Variants in TRA2A observed in about 807,000 individuals in gnomAD.
TRA2A encodes the protein transformer 2 alpha homolog, also known as transformer-2 protein homolog alpha.
TRA2A carries 31 observed loss-of-function variants against 45.7 expected under a neutral mutation model. That is an observed-to-expected ratio of 0.68 (90% CI 0.51 to 0.92). The LOEUF is 0.92. TRA2A is among the 40% of genes least tolerant of loss of function. TRA2A has a pLI of 0.00. For synonymous variants in TRA2A, 132 were observed against 126.2 expected, an observed-to-expected ratio of 1.05 and a Z score of -0.31; for missense variants, 304 against 367.5, an observed-to-expected ratio of 0.83 and a Z score of 1.41.
In TRA2A at chr7:23,505,825, G is replaced by T. The variant is rs756648597; in HGVS notation, c.771-12C>A. 2 of 1,491,400 alleles carry T rather than the reference G, an allele frequency of 1.3e-6. No homozygotes were observed. The highest frequency in any genetic ancestry group is 2.4e-5 in the Admixed American group (1 of 42,414). 92.4% of individuals were successfully genotyped at this position (1,491,400 alleles called of 1,614,324 possible). A position where few individuals can be genotyped will look rare whatever the true frequency, so the allele number is the denominator to read the frequency against. ...AAGGTGATCGTCTTCTGTAAGAAAT[G>T]AAAGATTACTTAGCATACTATATAA... On this transcript the variant is annotated splice_polypyrimidine_tract_variant and intron_variant, in intron 6 of 7. Transcript: ENST00000297071.
intron 2 of TRA2A, among the ~76,000 whole-genome samples, chr7:23,517,968 GTTCT>G (rs1789962415): frequency 2.0e-5 from 3 of 149,060 alleles, no homozygotes; most frequent in Admixed American, 2.0e-4. Flanking sequence ...TCTCCATATA[GTTCT>G]TTGTCGCCCA....
rs5882904 is a variant in TRA2A at position 23,505,585 on chromosome 7, C to CAAAAAAAAAA, written c.839-26_839-17dup. ...CAATAGCGTCCTAAAAGAGAAAAAG[C>CAAAAAAAAAA]AAAAAAAAAAAAAAAAAAAAAAAGT... is the stretch of plus-strand genomic sequence containing the variant. On this transcript the variant is annotated splice_polypyrimidine_tract_variant and intron_variant, in intron 7 of 7. Coordinates refer to ENST00000297071, the MANE Select transcript of TRA2A (RefSeq NM_013293.5). 20 of 244,956 alleles carry CAAAAAAAAAA rather than the reference C, an allele frequency of 8.2e-5. No individual in the cohort carries two copies. The highest frequency in any genetic ancestry group is 4.1e-4 in the South Asian group (4 of 9,810). 15.2% of individuals were successfully genotyped at this position (244,956 alleles called of 1,614,324 possible).
chr7:23,525,433 C>T (rs1472454872), intron 1 of TRA2A, among the ~76,000 whole-genome samples: 1 of 152,136 alleles, frequency 6.6e-6, no homozygotes, highest in Non-Finnish European at 1.5e-5. Flanking sequence ...CATCCAATAA[C>T]CATTAAAAAT....
chr7:23,517,457 G>A (rs1317761829), intron 2 of TRA2A, among the ~76,000 whole-genome samples: 10 of 83,898 alleles, frequency 1.2e-4, no homozygotes, highest in Middle Eastern at 0.015. Context: ...CAGCCTGGGC[G>A]ACAGAGCAAG....
intron 2 of TRA2A, among the ~76,000 whole-genome samples, chr7:23,517,170 A>G (rs898991767): frequency 2.6e-5 from 4 of 151,028 alleles, no homozygotes; most frequent in African/African-American, 9.7e-5. Flanking sequence ...TCCCAGCTAC[A>G]TGGAAAGATG....
intron 3 of TRA2A, 51 bp downstream of exon 3, chr7:23,516,312 A>G: frequency 1.9e-6 from 3 of 1,596,960 alleles, no homozygotes; most frequent in Non-Finnish European, 2.6e-6. Flanking sequence ...TGCCATGACT[A>G]AACACATAAA....
chr7:23,531,526 G>A, intron 1 of TRA2A: 1 of 569,018 alleles, frequency 1.8e-6, no homozygotes, highest in Non-Finnish European at 3.1e-6. Context: ...GAGAAGGGAG[G>A]AAGCAATGCG....
intron 2 of TRA2A, among the ~76,000 whole-genome samples, chr7:23,517,497 A>G (rs1202118603): frequency 1.4e-5 from 2 of 146,204 alleles, no homozygotes; most frequent in African/African-American, 5.1e-5. Context: ...AAAAAAAAAA[A>G]AAAAAAAGAG....
intron 2 of TRA2A, among the ~76,000 whole-genome samples, chr7:23,517,192 A>C (rs1442622253): frequency 7.2e-6 from 1 of 138,050 alleles, no homozygotes; most frequent in African/African-American, 2.7e-5. Flanking sequence ...AGCAAGAAAA[A>C]TCACTTGGGG....
rs530829491 is a variant in TRA2A, at chr7:23,531,508, G to T, written c.36+281C>A. 229 of 552,800 alleles carry T rather than the reference G, an allele frequency of 4.1e-4. 7 individuals are homozygous for T. Among genetic ancestry groups the T allele is most frequent in the South Asian group, 3.6e-3 (162 of 44,406 alleles). The allele number at this position is 552,800 out of a possible 1,614,324, so 34.2% of individuals were successfully genotyped here. A position where few individuals can be genotyped will look rare whatever the true frequency, so the allele number is the denominator to read the frequency against. ...TCGGAGCAGACATAAGGAAGCCTCA[G>T]GGGTGGGGAGAAGGGAGGAAGCAAT... On this transcript the variant is annotated intron_variant, in intron 1 of 7. Coordinates refer to ENST00000297071, the MANE Select transcript of TRA2A (RefSeq NM_013293.5).
chr7:23,513,219 A>G lies in TRA2A; in HGVS notation c.337-137T>C, dbSNP rs140259118. On this transcript the variant is annotated intron_variant, in intron 3 of 7. Transcript: ENST00000297071. ...AATAATTTGGAGATAAGATTTTAAG[A>G]GAACTAGAGCAGATGAGCCATATTT... 130 of 671,024 alleles carry G rather than the reference A, an allele frequency of 1.9e-4. 1 individual carries two copies. In the East Asian group the frequency reaches 3.7e-3, roughly 19 times the overall value. The allele number at this position is 671,024 out of a possible 1,614,324, so 41.6% of individuals were successfully genotyped here.
At chr7:23,515,252 C>T (rs1319051307) in intron 3 of TRA2A, among the ~76,000 whole-genome samples, 10 of 111,186 alleles carry the variant, frequency 9.0e-5, no homozygotes, top group African/African-American at 1.8e-4. Context: ...TTTTTTGAGA[C>T]GGAGTCTCGC....
intron 1 of TRA2A, chr7:23,522,276 T>A (rs376023164): frequency 9.1e-7 from 1 of 1,097,222 alleles, no homozygotes; most frequent in Non-Finnish European, 1.1e-6. Flanking sequence ...CTTAAAAAAA[T>A]ATTCAAGTGC....
chr7:23,517,222 C>A (rs1227084040), intron 2 of TRA2A, among the ~76,000 whole-genome samples: 1 of 151,982 alleles, frequency 6.6e-6, no homozygotes, highest in African/African-American at 2.4e-5. Context: ...GTGGCTCATG[C>A]CTGTAATCCC....
chr7:23,513,746 G>A (rs1384395295), intron 3 of TRA2A, among the ~76,000 whole-genome samples: 1 of 152,158 alleles, frequency 6.6e-6, no homozygotes, highest in African/African-American at 2.4e-5. Flanking sequence ...AAAGGAGACA[G>A]GGTCATTTAT....
intron 1 of TRA2A, among the ~76,000 whole-genome samples, chr7:23,528,214 TTTTTG>T (rs375520924): frequency 6.6e-6 from 1 of 151,660 alleles, no homozygotes; most frequent in African/African-American, 2.4e-5. Context: ...TCTGTGTTTT[TTTTTG>T]TTTTGTTTTT....
At chr7:23,511,430 A>AG (rs1481562263) in intron 4 of TRA2A, among the ~76,000 whole-genome samples, 8 of 146,694 alleles carry the variant, frequency 5.5e-5, no homozygotes, top group Non-Finnish European at 1.0e-4. Flanking sequence ...AGAAAAGAAA[A>AG]ACACCCTGAT....
chr7:23,506,373 C>T (rs1789340533), intron 5 of TRA2A, 107 bp from the exon 6 acceptor site: 3 of 1,334,640 alleles, frequency 2.2e-6, no homozygotes, highest in African/African-American at 1.5e-5. Flanking sequence ...AAGAACATCC[C>T]TTTCATGAGA....
intron 4 of TRA2A, among the ~76,000 whole-genome samples, chr7:23,508,743 C>T (rs748473211): frequency 1.3e-5 from 2 of 152,150 alleles, no homozygotes; most frequent in Admixed American, 6.6e-5. Flanking sequence ...ATCCTCCTGC[C>T]TTGGCCTCCC....
Sources: allele counts gnomAD v4.1 joint callset (sites outside exome capture counted in the v4.1 genomes callset), GRCh38; gene constraint gnomAD v4.1.1; transcripts MANE v1.5; gene names NCBI Gene and HGNC (gene_info 2026-07-23, HGNC 2026-07-21).